ANKRD31: variants seen among roughly 807,000 people sequenced by gnomAD.
ANKRD31 encodes ankyrin repeat domain-containing protein 31.
A neutral mutation model predicts 186.0 loss-of-function variants in ANKRD31; 147 were observed. That is an observed-to-expected ratio of 0.79 (90% CI 0.69 to 0.91). The LOEUF is 0.91. ANKRD31 is among the 40% of genes least tolerant of loss of function. ANKRD31 has a pLI of 0.00. For synonymous variants in ANKRD31, 673 were observed against 736.4 expected, an observed-to-expected ratio of 0.91 and a Z score of 1.39; for missense variants, 1,986 against 2,148.8, an observed-to-expected ratio of 0.92 and a Z score of 1.50.
At chr5:75,218,814 C>T (rs1757121687) in intron 3 of ANKRD31, among the ~76,000 whole-genome samples, 1 of 152,192 alleles carries the variant, frequency 6.6e-6, no homozygotes, top group African/African-American at 2.4e-5. Flanking sequence ...AAATGTGATT[C>T]ATCAAACATA....
At chr5:75,137,825 T>C (rs1389835566) in intron 17 of ANKRD31, 31 bp downstream of exon 17, 29 of 1,385,956 alleles carry the variant, frequency 2.1e-5, no homozygotes, top group Non-Finnish European at 2.6e-5. Flanking sequence ...TAAGAAAAAG[T>C]AGTAAGATCT....
chr5:75,098,554 T>C (rs1746528311), intron 22 of ANKRD31, among the ~76,000 whole-genome samples: 1 of 152,194 alleles, frequency 6.6e-6, no homozygotes, highest in Non-Finnish European at 1.5e-5. Flanking sequence ...TGATTCTTCC[T>C]ATCCATGAGC....
chr5:75,227,998 T>C (rs896318456), intron 2 of ANKRD31, among the ~76,000 whole-genome samples: 6 of 152,150 alleles, frequency 3.9e-5, no homozygotes, highest in African/African-American at 1.4e-4. Flanking sequence ...CCAACCGCCA[T>C]CCTGGGAAAA....
At chr5:75,233,599 A>G (rs1477298336) in intron 1 of ANKRD31, among the ~76,000 whole-genome samples, 2 of 152,122 alleles carry the variant, frequency 1.3e-5, no homozygotes, top group African/African-American at 4.8e-5. Context: ...GTAAACGTAA[A>G]AATTTAACAT....
At chr5:75,236,230 T>C (rs2150330752) in intron 1 of ANKRD31, among the ~76,000 whole-genome samples, 1 of 152,346 alleles carries the variant, frequency 6.6e-6, no homozygotes, top group Admixed American at 6.5e-5. Context: ...TACGAGTCTC[T>C]TGAAGCAAAA....
intron 10 of ANKRD31, among the ~76,000 whole-genome samples, chr5:75,169,981 C>G (rs1317932497): frequency 6.6e-6 from 1 of 152,074 alleles, no homozygotes; most frequent in Admixed American, 6.6e-5. Context: ...AGTTGAGAAC[C>G]ACTGCCTCAG....
intron 23 of ANKRD31, among the ~76,000 whole-genome samples, chr5:75,088,533 A>G (rs1294094026): frequency 6.6e-6 from 1 of 152,216 alleles, no homozygotes; most frequent in Non-Finnish European, 1.5e-5. Context: ...AGTGGGCAAT[A>G]GTTGCTGCAC....
intron 2 of ANKRD31, 72 bp downstream of exon 2, chr5:75,230,490 C>G (rs1385898014): frequency 8.5e-7 from 1 of 1,182,500 alleles, no homozygotes; most frequent in Non-Finnish European, 1.2e-6. Context: ...TTTCCAAGAA[C>G]CTATCAATGA....
intron 25 of ANKRD31, among the ~76,000 whole-genome samples, chr5:75,078,036 T>G (rs942285374): frequency 1.3e-5 from 2 of 152,148 alleles, no homozygotes; most frequent in African/African-American, 4.8e-5. Flanking sequence ...AACAAATATT[T>G]AATTTTCTTC....
intron 10 of ANKRD31, among the ~76,000 whole-genome samples, chr5:75,169,612 T>C (rs1389995231): frequency 1.3e-5 from 2 of 152,174 alleles, no homozygotes; most frequent in African/African-American, 2.4e-5. Flanking sequence ...CACAAACTGC[T>C]CCAAGAAAAC....
chr5:75,230,096 C>T (rs576641122), intron 2 of ANKRD31, among the ~76,000 whole-genome samples: 15 of 151,896 alleles, frequency 9.9e-5, no homozygotes, highest in African/African-American at 1.7e-4. Flanking sequence ...CGTGTGTGCA[C>T]GTTCTTCAAT....
chr5:75,210,730 C>T, intron 4 of ANKRD31, 98 bp downstream of exon 4: 1 of 867,958 alleles, frequency 1.2e-6, no homozygotes, highest in Non-Finnish European at 1.6e-6. Flanking sequence ...CAAAAATATA[C>T]AATAATTCTA....
chr5:75,179,809 T>G (rs1412754655), intron 10 of ANKRD31, among the ~76,000 whole-genome samples: 1 of 152,160 alleles, frequency 6.6e-6, no homozygotes, highest in Non-Finnish European at 1.5e-5. Context: ...AGCATTCTCC[T>G]TGAAAATGGG....
chr5:75,115,441 G>C (rs371950367), intron 19 of ANKRD31, among the ~76,000 whole-genome samples: 5 of 152,054 alleles, frequency 3.3e-5, no homozygotes, highest in South Asian at 2.1e-4. Flanking sequence ...TTCTGCACAG[G>C]AAAAGAAACT....
intron 23 of ANKRD31, among the ~76,000 whole-genome samples, chr5:75,089,605 G>GA (rs1247057030): frequency 6.6e-6 from 1 of 152,196 alleles, no homozygotes; most frequent in East Asian, 1.9e-4. Flanking sequence ...ATATTGTAAA[G>GA]AAAATCACTA....
Position 75,068,324 on chromosome 5 carries a change from T to G in ANKRD31, c.*195A>C, listed in dbSNP as rs1743926838. 8.3e-6 allele frequency: 4 copies of G among 483,086 alleles called. No homozygotes were observed. The highest frequency in any genetic ancestry group is 8.7e-5 in the Admixed American group (2 of 22,868). 29.9% of individuals were successfully genotyped at this position (483,086 alleles called of 1,614,324 possible). A position where few individuals can be genotyped will look rare whatever the true frequency, so the allele number is the denominator to read the frequency against. ...TGGTCTAGTTCAAATGTGCCTTTAT[T>G]TCAATGGCAAAAAAGCATTAATCTT... On this transcript the variant is annotated 3_prime_UTR_variant, in exon 26 of 26. Coordinates refer to ENST00000506364, the MANE Select transcript of ANKRD31 (RefSeq NM_001372053.1).
At chr5:75,091,129 A>G (rs1745890829) in intron 23 of ANKRD31, 132 bp downstream of exon 23, 1 of 986,488 alleles carries the variant, frequency 1.0e-6, no homozygotes, top group Non-Finnish European at 1.5e-6. Context: ...CATACAGCAT[A>G]TACAGAATGA....
At chr5:75,129,848 A>G (rs1749602915) in intron 17 of ANKRD31, among the ~76,000 whole-genome samples, 1 of 152,202 alleles carries the variant, frequency 6.6e-6, no homozygotes, top group Admixed American at 6.5e-5. Context: ...TTTACCCAGG[A>G]AGTGCAAGGG....
chr5:75,196,298 T>C, intron 6 of ANKRD31, 98 bp from the exon 7 acceptor site: 1 of 990,600 alleles, frequency 1.0e-6, no homozygotes, highest in Non-Finnish European at 1.3e-6. Context: ...GTTTGTAAGC[T>C]ACCCTCAAAA....
Sources: gnomAD v4.1 joint callset for allele counts (sites outside exome capture counted in the v4.1 genomes callset) on GRCh38, gnomAD v4.1.1 for gene constraint, MANE v1.5 for transcripts, NCBI Gene and HGNC (gene_info 2026-07-23, HGNC 2026-07-21) for gene names.